The following PCDHB11 variants were observed in gnomAD, a reference collection of about 807,000 sequenced individuals.
PCDHB11 encodes the protein protocadherin beta-11.
For missense variants in PCDHB11, 1,151 were observed against 1,003.4 expected, an observed-to-expected ratio of 1.15 and a Z score of -1.99; for synonymous variants, 522 against 442.0, an observed-to-expected ratio of 1.18 and a Z score of -2.27.
rs1418263032 is a variant in PCDHB11, at chr5:141,199,686, C to T, written c.-89C>T. 1.6e-5 allele frequency: 19 copies of T among 1,188,910 alleles called. No homozygotes were observed. Among genetic ancestry groups the T allele is most frequent in the Non-Finnish European group, 2.1e-5 (18 of 844,132 alleles). The allele number at this position is 1,188,910 out of a possible 1,614,324, so 73.6% of individuals were successfully genotyped here. On this transcript the variant is annotated 5_prime_UTR_variant, in exon 1 of 1. Transcript: ENST00000354757. ...GGAAACCATTCAACAGGGTTAAAAT[C>T]CTTAGACCACAGAGGATTTGGTGGA...
At position 141,203,670 on chromosome 5, in the gene PCDHB11, T is replaced by G. The variant is rs1376297143; in HGVS notation, c.*1502T>G. The G allele has an allele frequency of 6.6e-6, 1 of 150,576 alleles. No individual in the cohort carries two copies. Among genetic ancestry groups the G allele is most frequent in the African/African-American group, 2.4e-5 (1 of 41,326 alleles). The allele number at this position is 150,576 out of a possible 1,614,324, so 9.3% of individuals were successfully genotyped here. Reference sequence around the variant, plus strand: ...TACTACACTTACTTGGCTAATATTTTTAATGCTTTTGTGTGTGTATATATA... The same window carrying G: ...TACTACACTTACTTGGCTAATATTTGTAATGCTTTTGTGTGTGTATATATA... On this transcript the variant is annotated 3_prime_UTR_variant, in exon 1 of 1. Coordinates refer to ENST00000354757, the MANE Select transcript of PCDHB11 (RefSeq NM_018931.3).
chr5:141,201,311 C>G lies in PCDHB11; in HGVS notation c.1537C>G (p.Leu513Val), dbSNP rs1754180008. Residue 513 changes from leucine (L) to valine (V), a missense_variant, in exon 1 of 1, where the codon CTG becomes GTG. Coordinates refer to ENST00000354757, the MANE Select transcript of PCDHB11 (RefSeq NM_018931.3). ...LVSINTDNGH[L>V]FALRSLDYEA... ...CTCCATCAACACAGACAACGGCCAC[C>G]TGTTCGCCCTCAGGTCGCTGGACTA... 6.2e-7 allele frequency: 1 copy of G among 1,613,498 alleles called. No homozygotes were observed. The highest frequency in any genetic ancestry group is 8.5e-7 in the Non-Finnish European group (1 of 1,180,016).
In PCDHB11 at chr5:141,201,022, G is replaced by A. The variant is rs1554285463; in HGVS notation, c.1248G>A (p.Glu416=). Residue 416 remains glutamate (E), a synonymous_variant, in exon 1 of 1, where the codon GAG becomes GAA. Coordinates refer to ENST00000354757, the MANE Select transcript of PCDHB11 (RefSeq NM_018931.3). ...ERPLDRESTA[E]YNITITVTDL... ...CACTGGACAGAGAGAGCACAGCCGA[G>A]TACAATATCACCATCACCGTCACCG... is the stretch of plus-strand genomic sequence containing the variant. The A allele has an allele frequency of 4.3e-6, 7 of 1,614,180 alleles. No homozygotes were observed. Among genetic ancestry groups the A allele is most frequent in the Middle Eastern group, 3.3e-4 (2 of 6,062 alleles).
chr5:141,200,981 T>A lies in PCDHB11; in HGVS notation c.1207T>A (p.Leu403Met). Residue 403 changes from leucine to methionine, a missense_variant, in exon 1 of 1, where the codon TTG becomes ATG. By Grantham distance (15) the Leu-to-Met change is conservative (BLOSUM62 2). Coordinates refer to ENST00000354757, the MANE Select transcript of PCDHB11 (RefSeq NM_018931.3). ...LKSSVENYYT[L>M]ETERPLDRES... Reference sequence around the variant, plus strand: ...ATCTTCAGTTGAGAATTACTACACGTTGGAAACAGAGAGACCACTGGACAG... The same window carrying A: ...ATCTTCAGTTGAGAATTACTACACGATGGAAACAGAGAGACCACTGGACAG... The A allele has an allele frequency of 6.2e-7, 1 of 1,614,150 alleles. No homozygotes were observed. Among genetic ancestry groups the A allele is most frequent in the Non-Finnish European group, 8.5e-7 (1 of 1,180,028 alleles).
In PCDHB11 at chr5:141,200,641, C is replaced by T. The variant is rs1754152681; in HGVS notation, c.867C>T (p.Arg289=). 6.2e-7 allele frequency: 1 copy of T among 1,614,160 alleles called. No homozygotes were observed. Among genetic ancestry groups the T allele is most frequent in the Non-Finnish European group, 8.5e-7 (1 of 1,180,042 alleles). ...YTFSHASEDI[R]KTFEINQKSG... is the part of the protein sequence containing the mutation. ...TTTCCCATGCCTCAGAAGATATTCG[C>T]AAGACATTTGAAATTAATCAAAAGT... The change falls in exon 1 of 1, where the codon CGC becomes CGT. Residue 289 remains arginine, a synonymous_variant. Transcript: ENST00000354757.
At position 141,201,796 on chromosome 5, in the gene PCDHB11, T is replaced by G. The variant is rs114892187; in HGVS notation, c.2022T>G (p.Pro674=). ...TCTCCCAGCCCTACCTGCCGCTCCC[T>G]GAGGCGGCACCGGCCCAGGCCCAGG... ...DGFSQPYLPL[P]EAAPAQAQAD... Residue 674 remains proline (P), a synonymous_variant, in exon 1 of 1, where the codon CCT becomes CCG. Transcript: ENST00000354757. 95 of 1,610,186 alleles carry G rather than the reference T, an allele frequency of 5.9e-5. 1 individual carries two copies. In the East Asian group the frequency reaches 1.0e-3, roughly 17 times the overall value.
In PCDHB11 at chr5:141,203,445, T is replaced by G. The variant is rs538654024; in HGVS notation, c.*1277T>G. ...CCACCTGTGTATTGTAGTTTCTTCA[T>G]GGGAGAAGTCATATCTGCCCTTCCA... On this transcript the variant is annotated 3_prime_UTR_variant, in exon 1 of 1. Transcript: ENST00000354757. 1 of 152,386 alleles carries G rather than the reference T, an allele frequency of 6.6e-6. No individual in the cohort carries two copies. The highest frequency in any genetic ancestry group is 2.4e-5 in the African/African-American group (1 of 41,594). 9.4% of individuals were successfully genotyped at this position (152,386 alleles called of 1,614,324 possible).
In PCDHB11 at chr5:141,200,842, C is replaced by G; in HGVS notation, c.1068C>G (p.Ile356Met). 1.2e-6 allele frequency: 2 copies of G among 1,614,172 alleles called. No homozygotes were observed. The highest frequency in any genetic ancestry group is 1.7e-6 in the Non-Finnish European group (2 of 1,180,022). Residue 356 changes from isoleucine (I) to methionine (M), a missense_variant, in exon 1 of 1, where the codon ATC becomes ATG. Coordinates refer to ENST00000354757, the MANE Select transcript of PCDHB11 (RefSeq NM_018931.3). ...CTGTGTCATCAATTACCAGTCCAAT[C>G]CCAGAAAATACGCCAGAGACCGTGG... The part of the protein sequence containing the change: ...EITVSSITSP[I>M]PENTPETVVM...
Position 141,200,350 on chromosome 5 carries a change from C to G in PCDHB11, c.576C>G (p.Pro192=), listed in dbSNP as rs1420340953. 2 of 1,614,000 alleles carry G rather than the reference C, an allele frequency of 1.2e-6. No homozygotes were observed. Among genetic ancestry groups the G allele is most frequent in the Non-Finnish European group, 8.5e-7 (1 of 1,180,014 alleles). Reference sequence around the variant, plus strand: ...TCATTCCAGACAATAGGAAATACCCCGAGTTAGTTCTGGACAAGGCGCTGG... The same window carrying G: ...TCATTCCAGACAATAGGAAATACCCGGAGTTAGTTCTGGACAAGGCGCTGG... ...MRVIPDNRKY[P]ELVLDKALDY... is the part of the protein sequence containing the mutation. The change falls in exon 1 of 1, where the codon CCC becomes CCG. Residue 192 remains proline, a synonymous_variant. Transcript: ENST00000354757.
In PCDHB11 at chr5:141,203,072, A is replaced by AT. The variant is rs1434251290; in HGVS notation, c.*909dup. Reference sequence around the variant, plus strand: ...TTCTTATTCTAGAAAACTGACTTTGATTTTTCTCTTAGGTTGTTTTGTTTT... The same window carrying AT: ...TTCTTATTCTAGAAAACTGACTTTGATTTTTTCTCTTAGGTTGTTTTGTTTT... On this transcript the variant is annotated 3_prime_UTR_variant, in exon 1 of 1. Transcript: ENST00000354757. 1.3e-5 allele frequency: 2 copies of AT among 151,900 alleles called. No individual in the cohort carries two copies. The highest frequency in any genetic ancestry group is 1.5e-5 in the Non-Finnish European group (1 of 67,968). 9.4% of individuals were successfully genotyped at this position (151,900 alleles called of 1,614,324 possible). A position where few individuals can be genotyped will look rare whatever the true frequency, so the allele number is the denominator to read the frequency against.
rs781881768 is a variant in PCDHB11 at position 141,200,314 on chromosome 5, T to G, written c.540T>G (p.Ile180Met). 1 of 1,614,108 alleles carries G rather than the reference T, an allele frequency of 6.2e-7. No individual in the cohort carries two copies. The highest frequency in any genetic ancestry group is 2.2e-5 in the East Asian group (1 of 44,880). Residue 180 changes from isoleucine (I) to methionine (M), a missense_variant, in exon 1 of 1, where the codon ATT (isoleucine) becomes ATG (methionine). Physicochemically the swap from Ile to Met is conservative, Grantham distance 10. Transcript: ENST00000354757. The part of the protein sequence containing the change: ...YTISPNSHFH[I>M]KMRVIPDNRK... ...TAAGCCCCAACTCTCATTTTCACATTAAAATGAGAGTCATTCCAGACAATA... is the reference window on the plus strand; with the variant it reads ...TAAGCCCCAACTCTCATTTTCACATGAAAATGAGAGTCATTCCAGACAATA...
In PCDHB11 at chr5:141,201,110, G is replaced by A. The variant is rs782437835; in HGVS notation, c.1336G>A (p.Asp446Asn). Residue 446 changes from aspartate to asparagine, a missense_variant, in exon 1 of 1, where the codon GAC (aspartate) becomes AAC (asparagine). Coordinates refer to ENST00000354757, the MANE Select transcript of PCDHB11 (RefSeq NM_018931.3). ...AACTGTGTTGGTCTCTGACGTCAAT[G>A]ACAACGCCCCCACCTTCACCCAAAC... is the stretch of plus-strand genomic sequence containing the variant. ...NTTVLVSDVN[D>N]NAPTFTQTSY... 1 of 1,614,102 alleles carries A rather than the reference G, an allele frequency of 6.2e-7. No individual in the cohort carries two copies. The highest frequency in any genetic ancestry group is 2.2e-5 in the East Asian group (1 of 44,880).
chr5:141,203,735 C>G lies in PCDHB11; in HGVS notation c.*1567C>G, dbSNP rs1754258356. ...GAGAGATCATGGCTTATAATCCAAACAAAATGTAATAAACTGCATGAAAAT... is the reference window on the plus strand; with the variant it reads ...GAGAGATCATGGCTTATAATCCAAAGAAAATGTAATAAACTGCATGAAAAT... On this transcript the variant is annotated 3_prime_UTR_variant, in exon 1 of 1. Transcript: ENST00000354757. 1 of 151,870 alleles carries G rather than the reference C, an allele frequency of 6.6e-6. No homozygotes were observed. The highest frequency in any genetic ancestry group is 2.1e-4 in the South Asian group (1 of 4,818). 9.4% of individuals were successfully genotyped at this position (151,870 alleles called of 1,614,324 possible). A position where few individuals can be genotyped will look rare whatever the true frequency, so the allele number is the denominator to read the frequency against.
rs782067903 is a variant in PCDHB11 at position 141,200,942 on chromosome 5, C to T, written c.1168C>T (p.Pro390Ser). 2 of 1,614,168 alleles carry T rather than the reference C, an allele frequency of 1.2e-6. No individual in the cohort carries two copies. Among genetic ancestry groups the T allele is most frequent in the Non-Finnish European group, 1.7e-6 (2 of 1,180,046 alleles). ...RIVCSIPEDL[P>S]FVLKSSVENY... ...TGTTTGTTCCATTCCGGAAGACCTC[C>T]CATTCGTGCTAAAATCTTCAGTTGA... is the stretch of plus-strand genomic sequence containing the variant. The change falls in exon 1 of 1, where the codon CCA (proline) becomes TCA (serine). Residue 390 changes from proline (P) to serine (S), a missense_variant. Physicochemically the swap from Pro to Ser is moderately conservative, Grantham distance 74 (BLOSUM62 -1). Transcript: ENST00000354757.
Position 141,202,237 on chromosome 5 carries a change from T to A in PCDHB11, c.*69T>A. 3 of 1,298,340 alleles carry A rather than the reference T, an allele frequency of 2.3e-6. No individual in the cohort carries two copies. The highest frequency in any genetic ancestry group is 3.1e-6 in the Non-Finnish European group (3 of 952,870). 80.4% of individuals were successfully genotyped at this position (1,298,340 alleles called of 1,614,324 possible). ...TAACCATATCAATATTATTTAGTCTTAAACTAGTTACGTTATTATGCAATA... is the reference window on the plus strand; with the variant it reads ...TAACCATATCAATATTATTTAGTCTAAAACTAGTTACGTTATTATGCAATA... On this transcript the variant is annotated 3_prime_UTR_variant, in exon 1 of 1. Transcript: ENST00000354757.
chr5:141,201,457 G>A lies in PCDHB11; in HGVS notation c.1683G>A (p.Val561=), dbSNP rs782775414. The A allele has an allele frequency of 1.9e-6, 3 of 1,610,828 alleles. No individual in the cohort carries two copies. The highest frequency in any genetic ancestry group is 2.5e-6 in the Non-Finnish European group (3 of 1,179,404). The stretch of plus-strand genomic sequence containing the variant: ...ACGCCAACGACAACTCGCCCTTCGT[G>A]CTGTACCCGCTGCAGAACGGCTCCG... ...VLDANDNSPF[V]LYPLQNGSAP... is the part of the protein sequence containing the mutation. The change falls in exon 1 of 1, where the codon GTG becomes GTA. Residue 561 remains valine, a synonymous_variant. Coordinates refer to ENST00000354757, the MANE Select transcript of PCDHB11 (RefSeq NM_018931.3).
In PCDHB11 at chr5:141,200,370, C is replaced by T; in HGVS notation, c.596C>T (p.Ala199Val). Residue 199 changes from alanine (A) to valine (V), a missense_variant, in exon 1 of 1, where the codon GCG becomes GTG. Coordinates refer to ENST00000354757, the MANE Select transcript of PCDHB11 (RefSeq NM_018931.3). Reference sequence around the variant, plus strand: ...TACCCCGAGTTAGTTCTGGACAAGGCGCTGGATTATGAAGAGCTCCCGGAG... The same window carrying T: ...TACCCCGAGTTAGTTCTGGACAAGGTGCTGGATTATGAAGAGCTCCCGGAG... Reference protein sequence around the residue: ...RKYPELVLDKALDYEELPELS... With the variant: ...RKYPELVLDKVLDYEELPELS... 6.2e-7 allele frequency: 1 copy of T among 1,614,130 alleles called. No homozygotes were observed. Among genetic ancestry groups the T allele is most frequent in the Non-Finnish European group, 8.5e-7 (1 of 1,180,030 alleles).
At position 141,199,671 on chromosome 5, in the gene PCDHB11, C is replaced by A; in HGVS notation, c.-104C>A. The A allele has an allele frequency of 2.0e-6, 2 of 1,010,574 alleles. No homozygotes were observed. The highest frequency in any genetic ancestry group is 2.5e-5 in the East Asian group (1 of 40,000). The allele number at this position is 1,010,574 out of a possible 1,614,324, so 62.6% of individuals were successfully genotyped here. On this transcript the variant is annotated 5_prime_UTR_variant, in exon 1 of 1. Transcript: ENST00000354757. ...TCAAGAGGGTGACCTGGAAACCATT[C>A]AACAGGGTTAAAATCCTTAGACCAC...
Position 141,201,164 on chromosome 5 carries a change from A to C in PCDHB11, c.1390A>C (p.Asn464His), listed in dbSNP as rs1261347662. 8 of 1,613,598 alleles carry C rather than the reference A, an allele frequency of 5.0e-6. No individual in the cohort carries two copies. Among genetic ancestry groups the C allele is most frequent in the Non-Finnish European group, 6.8e-6 (8 of 1,180,054 alleles). Residue 464 changes from asparagine to histidine, a missense_variant, in exon 1 of 1, where the codon AAC becomes CAC. Coordinates refer to ENST00000354757, the MANE Select transcript of PCDHB11 (RefSeq NM_018931.3). ...TSYTLFVREN[N>H]SPALHIGSVS... ...CTACACCCTGTTCGTCCGCGAGAAC[A>C]ACAGCCCCGCCCTGCACATCGGCAG... is the stretch of plus-strand genomic sequence containing the variant.
Sources: gnomAD v4.1 joint callset for allele counts on GRCh38, gnomAD v4.1.1 for gene constraint, MANE v1.5 for transcripts, NCBI Gene and HGNC (gene_info 2026-07-23, HGNC 2026-07-21) for gene names.